The following UHMK1 variants were observed in gnomAD, a reference collection of about 807,000 sequenced individuals.
UHMK1 encodes the protein serine/threonine-protein kinase Kist.
A neutral mutation model predicts 44.0 loss-of-function variants in UHMK1; 18 were observed. The observed-to-expected ratio is 0.41, with a 90% CI of 0.28 to 0.61. The LOEUF is 0.61. UHMK1 is among the 20% of genes least tolerant of loss of function. The probability of loss-of-function intolerance (pLI) is 0.31; values close to 1 mark genes in which losing one functional copy is unlikely to be tolerated. For synonymous variants in UHMK1, 231 were observed against 198.5 expected (o/e 1.16, Z -1.38); for missense variants, 463 against 522.5 (o/e 0.89, Z 1.11).
At chr1:162,506,223 G>GCCC (rs3035616) in intron 4 of UHMK1, among the ~76,000 whole-genome samples, 7 of 121,552 alleles carry the variant, frequency 5.8e-5, no homozygotes, top group Non-Finnish European at 1.2e-4. Flanking sequence ...TTAAATAATA[G>GCCC]CCCCCCCCCC....
chr1:162,503,373 G>T (rs952606709), intron 3 of UHMK1, among the ~76,000 whole-genome samples: 2 of 151,966 alleles, frequency 1.3e-5, no homozygotes, highest in Non-Finnish European at 2.9e-5. Context: ...ACTTTGGGAG[G>T]CCACGGTGGG....
chr1:162,519,124 C>T (rs763765594), intron 7 of UHMK1, among the ~76,000 whole-genome samples: 23 of 151,628 alleles, frequency 1.5e-4, no homozygotes, highest in Non-Finnish European at 3.2e-4. Context: ...TGAGACCAGC[C>T]CGGCCAACGT....
intron 2 of UHMK1, chr1:162,500,673 A>C: frequency 6.1e-6 from 3 of 487,984 alleles, no homozygotes; most frequent in Non-Finnish European, 1.1e-5. Flanking sequence ...AGCAGTGCCT[A>C]ATAGGTAAGA....
intron 4 of UHMK1, among the ~76,000 whole-genome samples, chr1:162,511,831 T>C (rs1010447555): frequency 1.3e-5 from 2 of 152,168 alleles, no homozygotes; most frequent in Non-Finnish European, 2.9e-5. Flanking sequence ...CCCAGCACCG[T>C]TTATTGAAAA....
intron 1 of UHMK1, among the ~76,000 whole-genome samples, chr1:162,499,583 T>C (rs1651194368): frequency 6.6e-6 from 1 of 152,218 alleles, no homozygotes; most frequent in Non-Finnish European, 1.5e-5. Context: ...TTCTTTTTTT[T>C]TAAAGGACCT....
At chr1:162,500,886 G>C (rs1369785419) in intron 2 of UHMK1, 27 bp from the exon 3 acceptor site, 3 of 1,597,756 alleles carry the variant, frequency 1.9e-6, no homozygotes, top group Non-Finnish European at 2.6e-6. Flanking sequence ...TTTTTTATTG[G>C]TTGTAATATT....
In UHMK1 at chr1:162,528,804, A is replaced by G. The variant is rs1278455635; in HGVS notation, c.*6254A>G. On this transcript the variant is annotated 3_prime_UTR_variant, in exon 8 of 8. Transcript: ENST00000489294. ...ATCTTAAATAATTTAACATTCCTTTATAACTTCTTAACAGTGTCAAAACTG... is the reference window on the plus strand; with the variant it reads ...ATCTTAAATAATTTAACATTCCTTTGTAACTTCTTAACAGTGTCAAAACTG... 6.6e-6 allele frequency: 1 copy of G among 152,108 alleles called. No homozygotes were observed. The highest frequency in any genetic ancestry group is 1.5e-5 in the Non-Finnish European group (1 of 67,964). The allele number at this position is 152,108 out of a possible 1,614,324, so 9.4% of individuals were successfully genotyped here.
At chr1:162,521,611 T>C (rs7534583) in intron 7 of UHMK1, among the ~76,000 whole-genome samples, 69,422 of 151,986 alleles carry the variant, frequency 0.46, 15,897 homozygotes, top group East Asian at 0.47. Flanking sequence ...GCATGTGCTA[T>C]CACGCCCAGT....
intron 6 of UHMK1, 69 bp from the exon 7 acceptor site, chr1:162,518,033 A>C (rs896179892): frequency 3.5e-6 from 4 of 1,153,922 alleles, no homozygotes; most frequent in East Asian, 2.4e-5. Flanking sequence ...TTGATGATTA[A>C]AAAATTTAAA....
intron 7 of UHMK1, among the ~76,000 whole-genome samples, chr1:162,520,454 A>G: frequency 6.6e-6 from 1 of 152,068 alleles, no homozygotes; most frequent in East Asian, 1.9e-4. Context: ...TCAGATTTTT[A>G]AAAGTGTGGT....
At chr1:162,504,800 A>G (rs1428247964) in intron 4 of UHMK1, among the ~76,000 whole-genome samples, 3 of 152,092 alleles carry the variant, frequency 2.0e-5, no homozygotes, top group Admixed American at 1.3e-4. Context: ...TTTGAGACAG[A>G]GTCACACTCC....
chr1:162,514,442 TTAAA>T (rs1651768555), intron 6 of UHMK1, among the ~76,000 whole-genome samples: 1 of 152,156 alleles, frequency 6.6e-6, no homozygotes, highest in Non-Finnish European at 1.5e-5. Context: ...GTTGTGAAAA[TTAAA>T]TAATGTATAA....
At chr1:162,500,273 T>C in intron 2 of UHMK1, 26 bp downstream of exon 2, 1 of 1,593,722 alleles carries the variant, frequency 6.3e-7, no homozygotes, top group Non-Finnish European at 8.6e-7. Flanking sequence ...TTCTTTTCTC[T>C]CGCAGTTTAA....
rs1478725579 is a variant in UHMK1 at position 162,524,354 on chromosome 1, G to T, written c.*1804G>T. 1 of 152,102 alleles carries T rather than the reference G, an allele frequency of 6.6e-6. No individual in the cohort carries two copies. Among genetic ancestry groups the T allele is most frequent in the Non-Finnish European group, 1.5e-5 (1 of 68,016 alleles). The allele number at this position is 152,102 out of a possible 1,614,324, so 9.4% of individuals were successfully genotyped here. ...GAGGCTGATTTATGAATTACCAAAG[G>T]GTCTTGTGGCATGTTCCCCAATACA... On this transcript the variant is annotated 3_prime_UTR_variant, in exon 8 of 8. Transcript: ENST00000489294.
Position 162,524,253 on chromosome 1 carries a change from G to T in UHMK1, c.*1703G>T, listed in dbSNP as rs1052079169. 2.0e-5 allele frequency: 3 copies of T among 152,050 alleles called. No homozygotes were observed. The highest frequency in any genetic ancestry group is 4.4e-5 in the Non-Finnish European group (3 of 67,996). 9.4% of individuals were successfully genotyped at this position (152,050 alleles called of 1,614,324 possible). On this transcript the variant is annotated 3_prime_UTR_variant, in exon 8 of 8. Coordinates refer to ENST00000489294, the MANE Select transcript of UHMK1 (RefSeq NM_175866.5). The stretch of plus-strand genomic sequence containing the variant: ...TACCCCATTCAAACAATTATTGTTT[G>T]ACATTTTAGTTATTTATAATTGTCA...
intron 4 of UHMK1, among the ~76,000 whole-genome samples, chr1:162,511,718 T>C (rs1651676011): frequency 6.6e-6 from 1 of 152,210 alleles, no homozygotes; most frequent in Admixed American, 6.5e-5. Context: ...TCTAGTAGTT[T>C]TGGGTCTTAC....
In UHMK1 at chr1:162,528,450, A is replaced by G. The variant is rs1327352449; in HGVS notation, c.*5900A>G. 1 of 151,960 alleles carries G rather than the reference A, an allele frequency of 6.6e-6. No individual in the cohort carries two copies. Among genetic ancestry groups the G allele is most frequent in the African/African-American group, 2.4e-5 (1 of 41,396 alleles). 9.4% of individuals were successfully genotyped at this position (151,960 alleles called of 1,614,324 possible). The stretch of plus-strand genomic sequence containing the variant: ...TTAAGAGTTTGTGAAACCAGATTAA[A>G]TATCTATATTCAGTTTGGCCTAATT... On this transcript the variant is annotated 3_prime_UTR_variant, in exon 8 of 8. Transcript: ENST00000489294.
At chr1:162,499,200 A>C (rs1651176710) in intron 1 of UHMK1, among the ~76,000 whole-genome samples, 1 of 151,950 alleles carries the variant, frequency 6.6e-6, no homozygotes, top group South Asian at 2.1e-4. Context: ...TTTTGAGACA[A>C]GTTCTTACTC....
chr1:162,503,678 C>A, intron 3 of UHMK1, 76 bp from the exon 4 acceptor site: 3 of 911,604 alleles, frequency 3.3e-6, no homozygotes, highest in South Asian at 3.3e-5. Context: ...ATTTTACTCT[C>A]AAATAGTGCT....
Sources: gnomAD v4.1 joint callset for allele counts (sites outside exome capture counted in the v4.1 genomes callset) on GRCh38, gnomAD v4.1.1 for gene constraint, MANE v1.5 for transcripts, NCBI Gene and HGNC (gene_info 2026-07-23, HGNC 2026-07-21) for gene names.